The following CHST12 variants were observed in gnomAD, a reference collection of about 807,000 sequenced individuals.
CHST12 encodes carbohydrate sulfotransferase 12, also known as carbohydrate (chondroitin 4) sulfotransferase 12.
Under a neutral mutation model 27.9 loss-of-function variants are expected in CHST12, and 23 were observed. The ratio of observed to expected loss-of-function variants is 0.82; its 90% confidence interval spans 0.59 to 1.17. CHST12 has a LOEUF of 1.17. Among genes scored for constraint, CHST12 ranks in the 50% most tolerant of loss-of-function variants. The pLI is 0.00. For missense variants in CHST12, 682 were observed against 603.0 expected (o/e 1.13, Z -1.37); for synonymous variants, 322 against 273.0 (o/e 1.18, Z -1.77).
chr7:2,407,203 T>A (rs1781547888), intron 1 of CHST12, among the ~76,000 whole-genome samples: 1 of 152,140 alleles, frequency 6.6e-6, no homozygotes, highest in Non-Finnish European at 1.5e-5. Context: ...TAGTAAGAGC[T>A]TCAAAGCTGA....
At chr7:2,419,800 A>G (rs1426177650) in intron 1 of CHST12, among the ~76,000 whole-genome samples, 5 of 150,748 alleles carry the variant, frequency 3.3e-5, no homozygotes, top group Non-Finnish European at 7.4e-5. Flanking sequence ...AGCAATCACC[A>G]CCCTCCAGCC....
chr7:2,406,705 T>C (rs1408673199), intron 1 of CHST12, among the ~76,000 whole-genome samples: 1 of 152,114 alleles, frequency 6.6e-6, no homozygotes, highest in Non-Finnish European at 1.5e-5. Context: ...AGGTCCCCAG[T>C]CAGCAGACCC....
At chr7:2,413,909 A>G (rs1307950070) in intron 1 of CHST12, among the ~76,000 whole-genome samples, 3 of 151,692 alleles carry the variant, frequency 2.0e-5, no homozygotes, top group African/African-American at 7.3e-5. Context: ...TTGTATTTTT[A>G]GTAGAGATGG....
intron 1 of CHST12, among the ~76,000 whole-genome samples, chr7:2,425,656 T>C (rs1360442326): frequency 1.3e-5 from 2 of 150,450 alleles, no homozygotes; most frequent in African/African-American, 4.9e-5. Context: ...TCTGCAGATG[T>C]GTGTGTGTTC....
chr7:2,412,898 G>GTT (rs11330967), intron 1 of CHST12, among the ~76,000 whole-genome samples: 17 of 146,806 alleles, frequency 1.2e-4, no homozygotes, highest in African/African-American at 2.2e-4. Context: ...CAAATAGACA[G>GTT]TTTTTTTTTT....
intron 1 of CHST12, among the ~76,000 whole-genome samples, chr7:2,415,677 A>C (rs1355847338): frequency 6.7e-6 from 1 of 150,114 alleles, no homozygotes. Context: ...CAGTGGCACG[A>C]TCTTGGCTCA....
At chr7:2,405,602 G>T (rs1781502604) in intron 1 of CHST12, among the ~76,000 whole-genome samples, 1 of 152,170 alleles carries the variant, frequency 6.6e-6, no homozygotes. Flanking sequence ...CTGGGCAGTG[G>T]AGCTGAGTTG....
At chr7:2,413,418 C>A (rs1053384036) in intron 1 of CHST12, among the ~76,000 whole-genome samples, 1 of 152,206 alleles carries the variant, frequency 6.6e-6, no homozygotes, top group African/African-American at 2.4e-5. Flanking sequence ...TGCAATAAAA[C>A]GTACCCATTT....
At chr7:2,429,633 C>A (rs1782222990) in intron 1 of CHST12, among the ~76,000 whole-genome samples, 2 of 152,122 alleles carry the variant, frequency 1.3e-5, no homozygotes, top group South Asian at 4.2e-4. Context: ...TGGTCTGTTT[C>A]ATCTAGGTTG....
rs1386391110 is a variant in CHST12 at position 2,415,612 on chromosome 7, TTTTTTC to T, written c.-78+11945_-78+11950del. Among the ~76,000 whole-genome samples, 229 of 149,920 alleles carry T rather than the reference TTTTTTC, an allele frequency of 1.5e-3. 3 individuals carry two copies. The South Asian group carries it at 0.032, about 21-fold the overall frequency. ...GGAGTGGCTATGGCAATTTCTTTTC[TTTTTTC>T]TTTTTTTTTTTTTTGAGGCAGAGTC... is the stretch of plus-strand genomic sequence containing the variant. On this transcript the variant is annotated intron_variant, in intron 1 of 1. Coordinates refer to ENST00000618655, the MANE Select transcript of CHST12 (RefSeq NM_018641.5).
At position 2,433,810 on chromosome 7, in the gene CHST12, C is replaced by T. The variant is rs1782385561; in HGVS notation, c.1171C>T (p.Gln391Ter). 6.2e-7 allele frequency: 1 copy of T among 1,613,982 alleles called. No individual in the cohort carries two copies. Among genetic ancestry groups the T allele is most frequent in the Non-Finnish European group, 8.5e-7 (1 of 1,180,000 alleles). ...CAAGATCCCCCTGGCCTGGAGGCAG[C>T]AGCTGTATAAACTCTACGAGGCCGA... Reference protein sequence around the residue: ...FAKIPLAWRQQLYKLYEADFV... With the variant: ...FAKIPLAWRQ The change falls in exon 2 of 2, where the codon CAG becomes TAG. Residue 391 changes from glutamine (Q) to a stop codon, truncating the protein, a stop_gained. Transcript: ENST00000618655. LOFTEE classifies it high-confidence loss of function. This position sits in a 1 kb window ranked among gnomAD's most constrained non-coding sequence, Gnocchi z 6.1.
chr7:2,414,840 C>T (rs181720932), intron 1 of CHST12, among the ~76,000 whole-genome samples: 2 of 152,244 alleles, frequency 1.3e-5, no homozygotes, highest in African/African-American at 4.8e-5. Flanking sequence ...ATGCAGATAT[C>T]CAGTTGTTTC....
At position 2,448,135 on chromosome 7, in the gene CHST12, T is replaced by C. The variant is rs1458488342; in HGVS notation, c.*14251T>C. ...CGCCCTCCTCGGCCTTCCAAAATGCTAGGATTACAGGCATGAGCCGCCGTG... is the reference window on the plus strand; with the variant it reads ...CGCCCTCCTCGGCCTTCCAAAATGCCAGGATTACAGGCATGAGCCGCCGTG... On this transcript the variant is annotated 3_prime_UTR_variant, in exon 2 of 2. Coordinates refer to ENST00000618655, the MANE Select transcript of CHST12 (RefSeq NM_018641.5). 6.6e-6 allele frequency: 1 copy of C among 152,234 alleles called. No individual in the cohort carries two copies. Among genetic ancestry groups the C allele is most frequent in the Non-Finnish European group, 1.5e-5 (1 of 68,054 alleles). The allele number at this position is 152,234 out of a possible 1,614,324, so 9.4% of individuals were successfully genotyped here.
chr7:2,432,761 C>G lies in CHST12; in HGVS notation c.122C>G (p.Ser41Cys). The change falls in exon 2 of 2, where the codon TCT (serine) becomes TGT (cysteine). Residue 41 changes from serine (S) to cysteine (C), a missense_variant. By Grantham distance (112) the Ser-to-Cys change is moderately radical (BLOSUM62 -1). Coordinates refer to ENST00000618655, the MANE Select transcript of CHST12 (RefSeq NM_018641.5). Reference protein sequence around the residue: ...AAHFYLHTSFSRPHTGPPLPT... With the variant: ...AAHFYLHTSFCRPHTGPPLPT... ...CACTTCTACTTGCACACGTCCTTCT[C>G]TAGGCCGCACACGGGGCCGCCGCTG... 1 of 1,613,830 alleles carries G rather than the reference C, an allele frequency of 6.2e-7. No homozygotes were observed. Among genetic ancestry groups the G allele is most frequent in the Non-Finnish European group, 8.5e-7 (1 of 1,179,826 alleles).
At chr7:2,410,944 T>C (rs1207919170) in intron 1 of CHST12, among the ~76,000 whole-genome samples, 1 of 151,924 alleles carries the variant, frequency 6.6e-6, no homozygotes, top group Non-Finnish European at 1.5e-5. Flanking sequence ...GCAGGGAGAC[T>C]GGTTTGGAGC....
chr7:2,409,420 G>GC (rs1781606937), intron 1 of CHST12, among the ~76,000 whole-genome samples: 1 of 152,142 alleles, frequency 6.6e-6, no homozygotes, highest in Non-Finnish European at 1.5e-5. Flanking sequence ...TTCAAGACCA[G>GC]CCTGGGCAAC....
chr7:2,428,006 C>T (rs575594468), intron 1 of CHST12, among the ~76,000 whole-genome samples: 5 of 151,798 alleles, frequency 3.3e-5, no homozygotes, highest in South Asian at 2.1e-4. Context: ...TTAGTAGAGA[C>T]GGGGTTTCAC....
rs201484291 is a variant in CHST12 at position 2,433,851 on chromosome 7, C to T, written c.1212C>T (p.Gly404=). 2 of 1,592,000 alleles carry T rather than the reference C, an allele frequency of 1.3e-6. No homozygotes were observed. Among genetic ancestry groups the T allele is most frequent in the African/African-American group, 1.3e-5 (1 of 74,352 alleles). Residue 404 remains glycine, a synonymous_variant, in exon 2 of 2, where the codon GGC becomes GGT. Coordinates refer to ENST00000618655, the MANE Select transcript of CHST12 (RefSeq NM_018641.5). This position sits in a 1 kb window ranked among gnomAD's most constrained non-coding sequence, Gnocchi z 6.1. ...KLYEADFVLF[G]YPKPENLLRD ...ACGAGGCCGACTTTGTTCTCTTCGGCTACCCCAAGCCCGAAAACCTCCTCC... is the reference window on the plus strand; with the variant it reads ...ACGAGGCCGACTTTGTTCTCTTCGGTTACCCCAAGCCCGAAAACCTCCTCC...
intron 1 of CHST12, among the ~76,000 whole-genome samples, chr7:2,414,618 T>G (rs1781757812): frequency 6.6e-6 from 1 of 152,224 alleles, no homozygotes; most frequent in African/African-American, 2.4e-5. Context: ...TTGAGAATCC[T>G]AAGTTTTAAA....
Sources: allele counts gnomAD v4.1 joint callset (sites outside exome capture counted in the v4.1 genomes callset), GRCh38; gene constraint gnomAD v4.1.1; non-coding constraint Gnocchi (gnomAD v3.1); transcripts MANE v1.5; gene names NCBI Gene and HGNC (gene_info 2026-07-23, HGNC 2026-07-21).